The following JAK1 variants were observed in gnomAD, a reference collection of about 807,000 sequenced individuals.
The protein encoded by JAK1 is tyrosine-protein kinase JAK1.
Under a neutral mutation model 136.6 loss-of-function variants are expected in JAK1, and 16 were observed. The observed-to-expected ratio is 0.12, with a 90% CI of 0.08 to 0.18. The LOEUF is 0.18. JAK1 is among the 10% of genes least tolerant of loss of function. The probability of loss-of-function intolerance (pLI) is 1.00; values close to 1 mark genes in which losing one functional copy is unlikely to be tolerated. For synonymous variants in JAK1, 492 were observed against 519.5 expected (o/e 0.95, Z 0.72); for missense variants, 859 against 1,450.1 (o/e 0.59, Z 6.62).
intron 2 of JAK1, among the ~76,000 whole-genome samples, chr1:65,038,291 C>G (rs1461312998): frequency 6.6e-6 from 1 of 151,254 alleles, no homozygotes; most frequent in Non-Finnish European, 1.5e-5. Context: ...CTCTGCCTCC[C>G]GGGGTCAAGC....
intron 7 of JAK1, among the ~76,000 whole-genome samples, chr1:64,865,891 C>G (rs1467999210): frequency 6.6e-6 from 1 of 152,088 alleles, no homozygotes; most frequent in Non-Finnish European, 1.5e-5. Flanking sequence ...TCCCAAGTAG[C>G]TAGGACCACA....
At chr1:64,937,365 T>G (rs796418896) in intron 1 of JAK1, among the ~76,000 whole-genome samples, 14 of 152,362 alleles carry the variant, frequency 9.2e-5, no homozygotes, top group African/African-American at 3.4e-4. Context: ...GTCACAGTCC[T>G]GACCAGCACC....
intron 8 of JAK1, among the ~76,000 whole-genome samples, chr1:64,863,873 T>C (rs974709876): frequency 4.6e-5 from 7 of 152,246 alleles, no homozygotes; most frequent in Admixed American, 2.0e-4. Flanking sequence ...TGAATATTCT[T>C]ATTCATAAAC....
chr1:64,960,403 A>G (rs961210076), intron 1 of JAK1, among the ~76,000 whole-genome samples: 2 of 152,206 alleles, frequency 1.3e-5, no homozygotes, highest in African/African-American at 4.8e-5. Flanking sequence ...CACAGCTAGG[A>G]TCAAATCATA....
chr1:64,984,828 G>A lies in JAK1; in HGVS notation c.-78+59652C>T. Reference sequence around the variant, plus strand: ...AACGTAGGCTCCTAAATAGTAAGCAGCAGAAGGGAAAAGCAATCTGACTAG... The same window carrying A: ...AACGTAGGCTCCTAAATAGTAAGCAACAGAAGGGAAAAGCAATCTGACTAG... On this transcript the variant is annotated intron_variant, in intron 2 of 25. Coordinates refer to the JAK1 transcript ENST00000671954. This position sits in a 1 kb window ranked among gnomAD's most constrained non-coding sequence, Gnocchi z 4.1. 1 of 1,135,656 alleles carries A rather than the reference G, an allele frequency of 8.8e-7. No individual in the cohort carries two copies. The highest frequency in any genetic ancestry group is 1.3e-6 in the Non-Finnish European group (1 of 755,332). The allele number at this position is 1,135,656 out of a possible 1,614,324, so 70.3% of individuals were successfully genotyped here.
chr1:64,999,544 C>T (rs971969058), intron 2 of JAK1, among the ~76,000 whole-genome samples: 2 of 152,108 alleles, frequency 1.3e-5, no homozygotes, highest in Non-Finnish European at 2.9e-5. Context: ...TCGAGACCAG[C>T]CTGGGCAACA....
chr1:65,040,007 G>C (rs1419913593), intron 2 of JAK1, among the ~76,000 whole-genome samples: 1 of 152,152 alleles, frequency 6.6e-6, no homozygotes, highest in East Asian at 1.9e-4. Context: ...CTGAGGTCAG[G>C]AGTTCAAGAC....
chr1:64,864,546 G>A (rs973703528), intron 8 of JAK1, among the ~76,000 whole-genome samples: 20 of 152,358 alleles, frequency 1.3e-4, no homozygotes, highest in African/African-American at 4.6e-4. Context: ...GTGTATTTGG[G>A]AGGGAAGCAA....
At chr1:64,848,245 C>A (rs2101018355) in intron 12 of JAK1, 1 of 152,574 alleles carries the variant, frequency 6.6e-6, no homozygotes, top group Admixed American at 6.5e-5. Context: ...CTGGTACAGA[C>A]TCAGGCACAC....
chr1:65,013,678 C>T (rs1457085662), intron 2 of JAK1, among the ~76,000 whole-genome samples: 2 of 152,042 alleles, frequency 1.3e-5, no homozygotes, highest in East Asian at 1.9e-4. Flanking sequence ...AATACAAATC[C>T]ATTTTGAGAA....
chr1:65,054,689 A>G lies in JAK1; in HGVS notation c.-180-10107T>C, dbSNP rs371540495. Among the ~76,000 whole-genome samples, 23 of 152,318 alleles carry G rather than the reference A, an allele frequency of 1.5e-4. 1 individual carries two copies. The highest frequency in any genetic ancestry group is 3.3e-4 in the Admixed American group (5 of 15,306). ...CCAGTGAGTTGCCCAATCTCACCAG[A>G]AAAGACATAAAGCCAGCAAGAGATG... is the stretch of plus-strand genomic sequence containing the variant. On this transcript the variant is annotated intron_variant, in intron 1 of 25. Coordinates refer to the JAK1 transcript ENST00000671954.
chr1:64,895,328 A>G (rs538898463), intron 1 of JAK1, among the ~76,000 whole-genome samples: 4 of 152,292 alleles, frequency 2.6e-5, no homozygotes, highest in African/African-American at 7.2e-5. Flanking sequence ...TATATTTAAT[A>G]CATTTTTAAA....
chr1:64,955,655 T>C (rs1046136968), intron 1 of JAK1, among the ~76,000 whole-genome samples: 9 of 152,214 alleles, frequency 5.9e-5, no homozygotes, highest in African/African-American at 2.2e-4. Context: ...TTGTGATCAG[T>C]AGTCAGACAC....
In JAK1 at chr1:65,028,390, G is replaced by C. The variant is rs533796705; in HGVS notation, c.-78+16090C>G. ...GTCAAGTCAGGAGATTTTGTCTGCT[G>C]TTCTATCCCTAGCACCCAGAATAGT... On this transcript the variant is annotated intron_variant, in intron 2 of 25. Transcript: ENST00000671954. 1.3e-3 allele frequency among the ~76,000 whole-genome samples: 199 copies of C among 149,362 alleles called. 1 individual carries two copies. Among genetic ancestry groups the C allele is most frequent in the African/African-American group, 4.7e-3 (190 of 40,650 alleles).
intron 8 of JAK1, among the ~76,000 whole-genome samples, chr1:64,860,646 G>A (rs1656241950): frequency 1.3e-5 from 2 of 151,884 alleles, no homozygotes; most frequent in African/African-American, 4.8e-5. Flanking sequence ...TAGATACGGG[G>A]TTTCACCATG....
intron 1 of JAK1, among the ~76,000 whole-genome samples, chr1:64,926,447 C>T (rs1043310925): frequency 2.7e-5 from 4 of 150,224 alleles, no homozygotes; most frequent in Non-Finnish European, 4.4e-5. Flanking sequence ...ACTGTTCATG[C>T]ACACACTTTC....
Position 64,879,137 on chromosome 1 carries a change from G to A in JAK1, c.217C>T (p.Leu73Phe). 6.2e-7 allele frequency: 1 copy of A among 1,614,010 alleles called. No homozygotes were observed. Among genetic ancestry groups the A allele is most frequent in the Non-Finnish European group, 8.5e-7 (1 of 1,179,934 alleles). The change falls in exon 4 of 25, where the codon CTT becomes TTT. Residue 73 changes from leucine (L) to phenylalanine (F), a missense_variant. Physicochemically the swap from Leu to Phe is conservative, Grantham distance 22. Coordinates refer to ENST00000342505, the MANE Select transcript of JAK1 (RefSeq NM_002227.4). ...TACAGGGCAAAGAGGTTGTGACAAA[G>A]AGGAGAGATACCTGAGGAAAAGTAA... ...RAAQACRISP[L>F]CHNLFALYDE...
intron 1 of JAK1, among the ~76,000 whole-genome samples, chr1:64,895,598 G>C (rs1159476748): frequency 6.6e-6 from 1 of 152,074 alleles, no homozygotes; most frequent in Non-Finnish European, 1.5e-5. Flanking sequence ...ACAATGTATA[G>C]CCTATGATGT....
intron 14 of JAK1, among the ~76,000 whole-genome samples, chr1:64,846,023 C>T (rs532509041): frequency 1.5e-4 from 23 of 152,348 alleles, no homozygotes; most frequent in Non-Finnish European, 2.5e-4. Flanking sequence ...GCCGCTCACA[C>T]GGCAAAACTT....
Sources: gnomAD v4.1 joint callset for allele counts (sites outside exome capture counted in the v4.1 genomes callset) on GRCh38, gnomAD v4.1.1 for gene constraint, Gnocchi (gnomAD v3.1) non-coding constraint, MANE v1.5 for transcripts, NCBI Gene and HGNC (gene_info 2026-07-23, HGNC 2026-07-21) for gene names.